Variants in LRRFIP2 observed in about 807,000 individuals in gnomAD.
LRRFIP2 encodes the protein LRR binding FLII interacting protein 2.
LRRFIP2 carries 109 observed loss-of-function variants against 125.9 expected under a neutral mutation model. The ratio of observed to expected loss-of-function variants is 0.87; its 90% CI spans 0.74 to 1.01. The LOEUF (loss-of-function observed/expected upper bound fraction) is 1.01, where lower values mean the gene tolerates loss of function less well. Ranked by LOEUF, LRRFIP2 falls within the 50% of genes least tolerant of loss-of-function variation. LRRFIP2 has a pLI of 0.00. For synonymous variants in LRRFIP2, 291 were observed against 293.1 expected, an observed-to-expected ratio of 0.99 and a Z score of 0.07; for missense variants, 850 against 862.3, an observed-to-expected ratio of 0.99 and a Z score of 0.18.
intron 3 of LRRFIP2, among the ~76,000 whole-genome samples, chr3:37,128,849 T>C (rs2095354071): frequency 6.6e-6 from 1 of 152,192 alleles, no homozygotes; most frequent in African/African-American, 2.4e-5. Context: ...CTTATAACAA[T>C]GGACACGATA....
At chr3:37,071,146 G>A (rs1379363400) in intron 21 of LRRFIP2, among the ~76,000 whole-genome samples, 1 of 152,162 alleles carries the variant, frequency 6.6e-6, no homozygotes, top group Non-Finnish European at 1.5e-5. Context: ...AGGTTTAGAT[G>A]GAATTTTTAA....
rs1047682083 is a variant in LRRFIP2, at chr3:37,112,342, G to GA, written c.438+572dup. Among the ~76,000 whole-genome samples the GA allele has an allele frequency of 7.7e-4, 100 of 129,762 alleles. 1 individual carries two copies. In the East Asian group the frequency reaches 8.5e-3, roughly 11 times the overall value. 85.1% of individuals were successfully genotyped at this position (129,762 alleles called of 152,430 possible). ...AGAGCGAGACTCCATCTCAAAAAAA[G>GA]AAAAAAAAAAAGAAAAGAAAAAAAG... is the stretch of plus-strand genomic sequence containing the variant. On this transcript the variant is annotated intron_variant, in intron 8 of 27. Coordinates refer to ENST00000336686, the MANE Select transcript of LRRFIP2 (RefSeq NM_006309.4).
At chr3:37,148,823 T>C (rs1007716934) in intron 2 of LRRFIP2, 71 bp downstream of exon 2, 3 of 1,559,602 alleles carry the variant, frequency 1.9e-6, no homozygotes, top group Non-Finnish European at 2.6e-6. Context: ...AACGTCTATA[T>C]CTCTGTCAAA....
At chr3:37,102,862 A>G in intron 15 of LRRFIP2, 62 bp downstream of exon 15, 1 of 1,055,990 alleles carries the variant, frequency 9.5e-7, no homozygotes, top group Non-Finnish European at 1.4e-6. Flanking sequence ...AATAGCTAAC[A>G]TATTAGCTGT....
At chr3:37,165,839 A>AAGAAAG (rs2096473619) in intron 1 of LRRFIP2, among the ~76,000 whole-genome samples, 1 of 150,178 alleles carries the variant, frequency 6.7e-6, no homozygotes, top group African/African-American at 2.4e-5. Flanking sequence ...GAAAGAAAGA[A>AAGAAAG]AGAAAGAAAG....
chr3:37,141,226 G>A (rs17035994), intron 2 of LRRFIP2, among the ~76,000 whole-genome samples: 1,895 of 152,246 alleles, frequency 0.012, 84 homozygotes, highest in East Asian at 0.086. Context: ...CCACTGGGTG[G>A]CTAAAGCAAT....
intron 14 of LRRFIP2, 112 bp from the exon 15 acceptor site, chr3:37,103,125 A>G (rs1032131836): frequency 1.5e-6 from 1 of 669,102 alleles, no homozygotes; most frequent in Non-Finnish European, 2.5e-6. Flanking sequence ...TGGGTGATAA[A>G]GTACCAAGAA....
At chr3:37,079,409 C>T (rs1230016779) in intron 19 of LRRFIP2, among the ~76,000 whole-genome samples, 1 of 152,160 alleles carries the variant, frequency 6.6e-6, no homozygotes, top group Non-Finnish European at 1.5e-5. Flanking sequence ...TCGTATGAAT[C>T]AGCAATTCCA....
intron 11 of LRRFIP2, 26 bp downstream of exon 11, chr3:37,109,501 A>G (rs756750919): frequency 5.6e-6 from 9 of 1,613,096 alleles, no homozygotes; most frequent in African/African-American, 1.3e-5. Flanking sequence ...CCAGCACTGC[A>G]CACACTGGAA....
At chr3:37,141,343 C>T (rs188012457) in intron 2 of LRRFIP2, among the ~76,000 whole-genome samples, 1 of 152,240 alleles carries the variant, frequency 6.6e-6, no homozygotes, top group Non-Finnish European at 1.5e-5. Context: ...ATGATTGGTC[C>T]CTATTTCCTC....
chr3:37,167,940 C>T (rs2096532412), intron 1 of LRRFIP2, among the ~76,000 whole-genome samples: 1 of 152,172 alleles, frequency 6.6e-6, no homozygotes, highest in South Asian at 2.1e-4. Context: ...CGGGCCATTG[C>T]ATTCCAGTCT....
chr3:37,068,590 C>T (rs1022849183), intron 21 of LRRFIP2: 1 of 152,124 alleles, frequency 6.6e-6, no homozygotes, highest in Non-Finnish European at 1.5e-5. Context: ...ATTACCTGAC[C>T]ATATAACCAC....
chr3:37,118,064 T>C (rs1026541689), intron 6 of LRRFIP2, among the ~76,000 whole-genome samples: 1 of 152,070 alleles, frequency 6.6e-6, no homozygotes, highest in Non-Finnish European at 1.5e-5. Context: ...GAAAAGGCAA[T>C]GTATCCCTAC....
At chr3:37,072,504 A>G (rs112846352) in intron 21 of LRRFIP2, among the ~76,000 whole-genome samples, 1 of 138,612 alleles carries the variant, frequency 7.2e-6, no homozygotes, top group South Asian at 2.1e-4. Flanking sequence ...TCCGTCTCAA[A>G]AAAAAAAAAA....
chr3:37,076,568 G>T (rs2092038924), intron 19 of LRRFIP2, among the ~76,000 whole-genome samples: 1 of 151,272 alleles, frequency 6.6e-6, no homozygotes. Flanking sequence ...TTGAATGGCA[G>T]AGAATCTCTA....
Position 37,142,330 on chromosome 3 carries a change from G to T in LRRFIP2, c.90+6564C>A, listed in dbSNP as rs909569697. 2.6e-5 allele frequency among the ~76,000 whole-genome samples: 4 copies of T among 151,700 alleles called. No homozygotes were observed. In the East Asian group the frequency reaches 7.8e-4, roughly 29 times the overall value. ...ATTTTTGTATTTTTTGTAGAGACAG[G>T]GTTTCACCATGTTGCCCCAGCCAGC... On this transcript the variant is annotated intron_variant, in intron 2 of 27. Coordinates refer to ENST00000336686, the MANE Select transcript of LRRFIP2 (RefSeq NM_006309.4).
Position 37,102,952 on chromosome 3 carries a change from T to A in LRRFIP2, c.845A>T (p.Asp282Val). Residue 282 changes from aspartate to valine, a missense_variant, in exon 15 of 28, where the codon GAT becomes GTT. Physicochemically the swap from Asp to Val is radical, Grantham distance 152 (BLOSUM62 -3). Coordinates refer to ENST00000336686, the MANE Select transcript of LRRFIP2 (RefSeq NM_006309.4). The stretch of plus-strand genomic sequence containing the variant: ...GGACAAATCTGGGATACTGATATCA[T>A]CCACCTCAGAGACAACACTTCCCCT... ...NRRGSVVSEV[D>V]DISIPDLSSL... The A allele has an allele frequency of 6.4e-7, 1 of 1,564,700 alleles. No homozygotes were observed. The highest frequency in any genetic ancestry group is 8.7e-7 in the Non-Finnish European group (1 of 1,152,818).
chr3:37,127,678 G>A lies in LRRFIP2; in HGVS notation c.180C>T (p.Tyr60=), dbSNP rs751552883. The A allele has an allele frequency of 6.2e-7, 1 of 1,613,694 alleles. No individual in the cohort carries two copies. The highest frequency in any genetic ancestry group is 8.5e-7 in the Non-Finnish European group (1 of 1,179,668). Residue 60 remains tyrosine, a splice_region_variant and synonymous_variant, in exon 4 of 28, where the codon TAC becomes TAT. Transcript: ENST00000336686. ...ACTTCCGATCAAAGGAATGAAGAGA[G>A]TACTAGAAATGCAAAAATTTCATAA... is the stretch of plus-strand genomic sequence containing the variant. ...MRELERQQKE[Y]SLHSFDRKWG...
At chr3:37,082,289 A>G (rs2092707322) in intron 19 of LRRFIP2, among the ~76,000 whole-genome samples, 1 of 152,248 alleles carries the variant, frequency 6.6e-6, no homozygotes, top group African/African-American at 2.4e-5. Flanking sequence ...ATGCTCTTCA[A>G]TGGGCCACTG....
Sources: allele counts gnomAD v4.1 joint callset (sites outside exome capture counted in the v4.1 genomes callset), GRCh38; gene constraint gnomAD v4.1.1; transcripts MANE v1.5; gene names NCBI Gene and HGNC (gene_info 2026-07-23, HGNC 2026-07-21).